NUDC: variants seen among roughly 807,000 people sequenced by gnomAD.
NUDC encodes nuclear migration protein nudC.
NUDC carries 14 observed loss-of-function variants against 45.0 expected under a neutral mutation model. The observed-to-expected ratio is 0.31, with a 90% CI of 0.21 to 0.49. The LOEUF is 0.49. Among genes scored for constraint, NUDC ranks in the 20% least tolerant of loss-of-function variants. NUDC has a pLI of 0.99. For missense variants in NUDC, 323 were observed against 426.2 expected (o/e 0.76, Z 2.13); for synonymous variants, 153 against 156.7 (o/e 0.98, Z 0.17).
chr1:26,900,589 T>G, intron 1 of NUDC: 1 of 670,420 alleles, frequency 1.5e-6, no homozygotes, highest in Non-Finnish European at 2.5e-6. Flanking sequence ...ATCCGAAGTC[T>G]TCTGTGTTCC....
In NUDC at chr1:26,924,079, CCT is replaced by C. The variant is rs777938807; in HGVS notation, c.82-7_82-6del. 15 of 1,613,832 alleles carry C rather than the reference CCT, an allele frequency of 9.3e-6. No homozygotes were observed. In the East Asian group the frequency reaches 1.1e-4, roughly 12 times the overall value. ...AGCTCTACTACTTTAATCTTCTCCC[CCT>C]CTTTCAGCTTGTGAACACCTTCTTC... On this transcript the variant is annotated splice_region_variant and splice_polypyrimidine_tract_variant and intron_variant, in intron 1 of 8. Coordinates refer to ENST00000321265, the MANE Select transcript of NUDC (RefSeq NM_006600.4).
At chr1:26,906,211 G>A (rs1445802710) in intron 2 of NUDC, among the ~76,000 whole-genome samples, 1 of 151,788 alleles carries the variant, frequency 6.6e-6, no homozygotes, top group African/African-American at 2.4e-5. Context: ...TCTGGGAGGT[G>A]GAGGTTGCGG....
chr1:26,936,136 TATATATATA>T (rs2082228491), intron 2 of NUDC, among the ~76,000 whole-genome samples: 1 of 4,462 alleles, frequency 2.2e-4, no homozygotes, highest in Non-Finnish European at 5.7e-4. Context: ...GCCCGGCTAA[TATATATATA>T]TATATATATA....
Position 26,921,854 on chromosome 1 carries a change from C to A in NUDC, c.6C>A (p.Gly2=). 6.4e-7 allele frequency: 1 copy of A among 1,552,870 alleles called. No homozygotes were observed. The highest frequency in any genetic ancestry group is 8.7e-7 in the Non-Finnish European group (1 of 1,148,256). The change falls in exon 1 of 9, where the codon GGC becomes GGA. Residue 2 remains glycine, a synonymous_variant. Transcript: ENST00000321265. M[G]GEQEEERFDG... Reference sequence around the variant, plus strand: ...CGTGGATCGGAGCCGGCGCGATGGGCGGAGAGCAGGAGGAGGAGCGGTTCG... The same window carrying A: ...CGTGGATCGGAGCCGGCGCGATGGGAGGAGAGCAGGAGGAGGAGCGGTTCG...
chr1:26,930,710 CAAAAAAAA>C (rs35636381), intron 2 of NUDC, among the ~76,000 whole-genome samples: 1 of 111,678 alleles, frequency 9.0e-6, no homozygotes, highest in East Asian at 3.1e-4. Flanking sequence ...AACCCTGTCT[CAAAAAAAA>C]AAAAAAAAAA....
At position 26,941,745 on chromosome 1, in the gene NUDC, T is replaced by G; in HGVS notation, c.364-8T>G. The G allele has an allele frequency of 6.2e-7, 1 of 1,614,122 alleles. No individual in the cohort carries two copies. On this transcript the variant is annotated splice_region_variant and splice_polypyrimidine_tract_variant and intron_variant, in intron 3 of 8. Coordinates refer to ENST00000321265, the MANE Select transcript of NUDC (RefSeq NM_006600.4). ...TCCTGTTGCCAACTGCTGTGCTCTT[T>G]GCCCCAGAAAAAGGATGCAGAGAAT...
At chr1:26,945,256 G>C in intron 6 of NUDC, 134 bp from the exon 7 acceptor site, 1 of 734,878 alleles carries the variant, frequency 1.4e-6, no homozygotes, top group East Asian at 2.7e-5. Context: ...TTGTACCTCT[G>C]GATCCAGTGT....
At chr1:26,945,368 C>G (rs955505809) in intron 6 of NUDC, 22 bp from the exon 7 acceptor site, 4 of 1,609,534 alleles carry the variant, frequency 2.5e-6, no homozygotes, top group Non-Finnish European at 3.4e-6. Context: ...CACCTCCCAC[C>G]CTCTGGTTGT....
chr1:26,918,359 C>T (rs563840492), upstream of NUDC, among the ~76,000 whole-genome samples: 200 of 151,330 alleles, frequency 1.3e-3, no homozygotes, highest in African/African-American at 2.1e-3. Flanking sequence ...CTGCAACCTC[C>T]GCCTCCCAGG....
chr1:26,923,358 A>G (rs1377045709), intron 1 of NUDC, among the ~76,000 whole-genome samples: 2 of 152,226 alleles, frequency 1.3e-5, no homozygotes, highest in Admixed American at 1.3e-4. Flanking sequence ...ATATATGTCC[A>G]TCTGATACTC....
Position 26,945,626 on chromosome 1 carries a change from G to A in NUDC, c.884G>A (p.Arg295Gln), listed in dbSNP as rs767965734. The change falls in exon 8 of 9, where the codon CGA (arginine) becomes CAA (glutamine). Residue 295 changes from arginine to glutamine, a missense_variant. Physicochemically the swap from Arg to Gln is conservative, Grantham distance 43. This residue lies in a region of NUDC where 54 missense variants were observed against 100.2 expected (regional missense o/e 0.54). Coordinates refer to ENST00000321265, the MANE Select transcript of NUDC (RefSeq NM_006600.4). The stretch of plus-strand genomic sequence containing the variant: ...GTGGAAAAGATGATGTATGACCAGC[G>A]ACAGAAGTCCATGGGGCTGCCAACT... ...SMVEKMMYDQ[R>Q]QKSMGLPTSD... 13 of 1,614,158 alleles carry A rather than the reference G, an allele frequency of 8.1e-6. No homozygotes were observed. The highest frequency in any genetic ancestry group is 5.5e-5 in the South Asian group (5 of 91,090).
intron 3 of NUDC, chr1:26,911,664 GTGT>G: frequency 1.4e-6 from 1 of 712,938 alleles, no homozygotes; most frequent in East Asian, 2.8e-5. Flanking sequence ...CTGGAACACT[GTGT>G]CCAAACCAAG....
At chr1:26,918,932 C>A (rs2082075715), upstream of NUDC, among the ~76,000 whole-genome samples, 2 of 152,034 alleles carry the variant, frequency 1.3e-5, no homozygotes, top group Non-Finnish European at 2.9e-5. Flanking sequence ...CGCACACCAC[C>A]ACACCCAACT....
chr1:26,920,903 C>T (rs753915515), upstream of NUDC, among the ~76,000 whole-genome samples: 2 of 152,092 alleles, frequency 1.3e-5, no homozygotes, highest in African/African-American at 4.8e-5. Flanking sequence ...GGTGCCACTG[C>T]ACTCCAGCTT....
chr1:26,934,165 A>G (rs150148826), intron 2 of NUDC, among the ~76,000 whole-genome samples: 3 of 152,374 alleles, frequency 2.0e-5, no homozygotes, highest in African/African-American at 7.2e-5. Context: ...GAAGAAAAAA[A>G]AGAGGTTTAA....
upstream of NUDC, among the ~76,000 whole-genome samples, chr1:26,917,850 C>T (rs972499140): frequency 6.6e-5 from 10 of 151,236 alleles, no homozygotes; most frequent in African/African-American, 2.2e-4. Context: ...CCCACCACTG[C>T]ACTCCAGCCT....
chr1:26,926,293 A>G (rs1167668299), intron 2 of NUDC, among the ~76,000 whole-genome samples: 1 of 152,214 alleles, frequency 6.6e-6, no homozygotes, highest in Non-Finnish European at 1.5e-5. Context: ...TAAACTCTTT[A>G]ATGTGTCCTG....
At chr1:26,917,663 G>A (rs948201123), upstream of NUDC, among the ~76,000 whole-genome samples, 3 of 151,988 alleles carry the variant, frequency 2.0e-5, no homozygotes, top group East Asian at 3.9e-4. Flanking sequence ...TGAGGTGGCC[G>A]GATCACTTGA....
rs542676176 is a variant in NUDC, at chr1:26,926,021, C to T, written c.159+1855C>T. On this transcript the variant is annotated intron_variant, in intron 2 of 8. Transcript: ENST00000321265. ...ACAGGTGTGAGCCACCATGCCCAGC[C>T]TTTTTTTTTTTTGAGACGGAGTCCC... Among the ~76,000 whole-genome samples the T allele has an allele frequency of 4.9e-5, 7 of 142,316 alleles. No homozygotes were observed. In the East Asian group the frequency reaches 1.2e-3, roughly 25 times the overall value. 93.4% of individuals were successfully genotyped at this position (142,316 alleles called of 152,430 possible).
Sources: gnomAD v4.1 joint callset for allele counts (sites outside exome capture counted in the v4.1 genomes callset) on GRCh38, gnomAD v4.1.1 for gene constraint, gnomAD v4.1.1 regional missense constraint, MANE v1.5 for transcripts, NCBI Gene and HGNC (gene_info 2026-07-23, HGNC 2026-07-21) for gene names.